CARMIL2: variants seen among roughly 807,000 people sequenced by gnomAD.
CARMIL2 encodes the protein capping protein regulator and myosin 1 linker 2.
In CARMIL2, 96 loss-of-function variants were observed where a neutral mutation model predicts 173.3. The ratio of observed to expected loss-of-function variants is 0.55; its 90% CI spans 0.47 to 0.66. CARMIL2 has a LOEUF of 0.66. CARMIL2 is among the 30% of genes least tolerant of loss of function. The pLI, the probability that CARMIL2 is intolerant of heterozygous loss-of-function variation, is 0.00. For missense variants in CARMIL2, 1,771 were observed against 1,906.7 expected, an observed-to-expected ratio of 0.93 and a Z score of 1.33; for synonymous variants, 830 against 817.1, an observed-to-expected ratio of 1.02 and a Z score of -0.27.
rs200184794 is a variant in CARMIL2, at chr16:67,654,671, G to C, written c.3561G>C (p.Thr1187=). ...TGCTGCCTGCCGAGGAGGAGGCAAC[G>C]CTGGGTGCCAGACCCGACAAGGTGA... ...MILLPAEEEA[T]LGARPDKRRP... Residue 1187 remains threonine (T), a synonymous_variant, in exon 31 of 38, where the codon ACG becomes ACC. Transcript: ENST00000334583. 3.5e-5 allele frequency: 56 copies of C among 1,587,176 alleles called. No homozygotes were observed. The East Asian group carries it at 1.2e-3, about 33-fold the overall frequency.
In CARMIL2 at chr16:67,657,321, G is replaced by C. The variant is rs1416233606; in HGVS notation, c.4195+5G>C. The C allele has an allele frequency of 1.2e-6, 2 of 1,613,580 alleles. No homozygotes were observed. The highest frequency in any genetic ancestry group is 1.7e-5 in the Admixed American group (1 of 59,980). On this transcript the variant is annotated splice_donor_5th_base_variant and intron_variant, in intron 37 of 37. Transcript: ENST00000334583. This position sits in a 1 kb window ranked among gnomAD's most constrained non-coding sequence, Gnocchi z 4.5. ...CACCTCCATCCCCAAGCCTAGGTAAGAGGGGGTCCAGGCCAGCTGGGAGGG... is the reference window on the plus strand; with the variant it reads ...CACCTCCATCCCCAAGCCTAGGTAACAGGGGGTCCAGGCCAGCTGGGAGGG...
At chr16:67,650,397 G>T (rs1204912700) in intron 22 of CARMIL2, 38 of 557,880 alleles carry the variant, frequency 6.8e-5, no homozygotes, top group Non-Finnish European at 9.6e-6. Context: ...GAATTTTTAT[G>T]TCCTTCCTCA....
At position 67,653,048 on chromosome 16, in the gene CARMIL2, G is replaced by A. The variant is rs770380589; in HGVS notation, c.2914G>A (p.Glu972Lys). The change falls in exon 29 of 38, where the codon GAG (glutamate) becomes AAG (lysine). Residue 972 changes from glutamate (E) to lysine (K), a missense_variant. Coordinates refer to ENST00000334583, the MANE Select transcript of CARMIL2 (RefSeq NM_001013838.3). The surrounding 1 kb of genome is among the most constrained non-coding windows in gnomAD (Gnocchi z 7.4). Reference sequence around the variant, plus strand: ...TGCTGAGGAAGCGGAGCCGGAGCCCGAGCTGGCGGCTCCGGGAGAAGATGC... The same window carrying A: ...TGCTGAGGAAGCGGAGCCGGAGCCCAAGCTGGCGGCTCCGGGAGAAGATGC... ...SAAEEAEPEP[E>K]LAAPGEDAEP... The A allele has an allele frequency of 1.4e-5, 18 of 1,271,938 alleles. No individual in the cohort carries two copies. The highest frequency in any genetic ancestry group is 1.2e-4 in the South Asian group (8 of 68,330). 78.8% of individuals were successfully genotyped at this position (1,271,938 alleles called of 1,614,324 possible). A position where few individuals can be genotyped will look rare whatever the true frequency, so the allele number is the denominator to read the frequency against.
In CARMIL2 at chr16:67,648,507, G is replaced by A; in HGVS notation, c.1439+5G>A. On this transcript the variant is annotated splice_donor_5th_base_variant and intron_variant, in intron 15 of 37. Transcript: ENST00000334583. The surrounding 1 kb of genome is among the most constrained non-coding windows in gnomAD (Gnocchi z 6.1). ...GCTGCCGCCCGACGCGCTCAGGTCA[G>A]TGTCGGACCCCGGCCACGCCCCCGC... 2 of 1,465,054 alleles carry A rather than the reference G, an allele frequency of 1.4e-6. No homozygotes were observed. The highest frequency in any genetic ancestry group is 2.5e-5 in the Admixed American group (1 of 39,572). The allele number at this position is 1,465,054 out of a possible 1,614,324, so 90.8% of individuals were successfully genotyped here.
chr16:67,656,173 T>C, intron 33 of CARMIL2, 55 bp from the exon 34 acceptor site: 2 of 1,611,022 alleles, frequency 1.2e-6, no homozygotes, highest in Non-Finnish European at 1.7e-6. Flanking sequence ...AGGCCAGGTT[T>C]TTCTTCCCCT....
chr16:67,657,213 AC>A lies in CARMIL2; in HGVS notation c.4118-22del. 1 of 1,608,532 alleles carries A rather than the reference AC, an allele frequency of 6.2e-7. No individual in the cohort carries two copies. The highest frequency in any genetic ancestry group is 8.5e-7 in the Non-Finnish European group (1 of 1,176,620). ...GACAGACCCCAAGCCTTAGCAACCC[AC>A]CCCAAGCCTTTCTGTGTCCCTTAGA... On this transcript the variant is annotated intron_variant, in intron 36 of 37. Coordinates refer to ENST00000334583, the MANE Select transcript of CARMIL2 (RefSeq NM_001013838.3). This position sits in a 1 kb window ranked among gnomAD's most constrained non-coding sequence, Gnocchi z 4.5.
Position 67,657,503 on chromosome 16 carries a change from C to A in CARMIL2, c.4293C>A (p.Gly1431=), listed in dbSNP as rs537033041. ...CCCCAGCCACAGACCAAAGAGGCGG[C>A]GGCCCCAATCCCTGATCCTCTCCTC... is the stretch of plus-strand genomic sequence containing the variant. ...PPSPATDQRG[G]GPNP is the part of the protein sequence containing the mutation. Residue 1431 remains glycine, a synonymous_variant, in exon 38 of 38, where the codon GGC becomes GGA. Transcript: ENST00000334583. The surrounding 1 kb of genome is among the most constrained non-coding windows in gnomAD (Gnocchi z 4.5). The A allele has an allele frequency of 4.3e-6, 7 of 1,612,832 alleles. No homozygotes were observed. Among genetic ancestry groups the A allele is most frequent in the Non-Finnish European group, 5.1e-6 (6 of 1,179,344 alleles).
chr16:67,651,061 C>A lies in CARMIL2; in HGVS notation c.2185-126C>A. The stretch of plus-strand genomic sequence containing the variant: ...TTCCCTCCTTGAACAGATAGGGTTC[C>A]AAAGTGGCTGGTCTAAGGGTGTCAG... On this transcript the variant is annotated intron_variant, in intron 22 of 37. Coordinates refer to ENST00000334583, the MANE Select transcript of CARMIL2 (RefSeq NM_001013838.3). This position sits in a 1 kb window ranked among gnomAD's most constrained non-coding sequence, Gnocchi z 4.2. 9.1e-7 allele frequency: 1 copy of A among 1,100,852 alleles called. No homozygotes were observed. The highest frequency in any genetic ancestry group is 2.6e-5 in the East Asian group (1 of 38,382). The allele number at this position is 1,100,852 out of a possible 1,614,324, so 68.2% of individuals were successfully genotyped here.
rs1299517988 is a variant in CARMIL2, at chr16:67,649,144, C to T, written c.1660C>T (p.Leu554Phe). 1.2e-6 allele frequency: 2 copies of T among 1,613,506 alleles called. No individual in the cohort carries two copies. The highest frequency in any genetic ancestry group is 1.7e-5 in the Admixed American group (1 of 59,966). Reference sequence around the variant, plus strand: ...AAGCCGGTCCCTGAGACATGTGGCGCTTGGAAGGAACTTCAACGTCCGGTG... The same window carrying T: ...AAGCCGGTCCCTGAGACATGTGGCGTTTGGAAGGAACTTCAACGTCCGGTG... The part of the protein sequence containing the change: ...GRSRSLRHVA[L>F]GRNFNVRCKE... Residue 554 changes from leucine (L) to phenylalanine (F), a missense_variant, in exon 18 of 38, where the codon CTT becomes TTT. Coordinates refer to ENST00000334583, the MANE Select transcript of CARMIL2 (RefSeq NM_001013838.3). This position sits in a 1 kb window ranked among gnomAD's most constrained non-coding sequence, Gnocchi z 6.7.
Position 67,649,671 on chromosome 16 carries a change from G to C in CARMIL2, c.1919+52G>C. ...AGCGGGCAGGGGGCGCGGTGGAGAGGAGGGCACCGGGCTAAGGGGAGGGAC... is the reference window on the plus strand; with the variant it reads ...AGCGGGCAGGGGGCGCGGTGGAGAGCAGGGCACCGGGCTAAGGGGAGGGAC... On this transcript the variant is annotated intron_variant, in intron 20 of 37. Transcript: ENST00000334583. The surrounding 1 kb of genome is among the most constrained non-coding windows in gnomAD (Gnocchi z 6.7). 6.4e-7 allele frequency: 1 copy of C among 1,558,278 alleles called. No homozygotes were observed. The highest frequency in any genetic ancestry group is 1.2e-5 in the South Asian group (1 of 85,012).
chr16:67,652,827 C>T lies in CARMIL2; in HGVS notation c.2885-192C>T, dbSNP rs2052752646. The T allele has an allele frequency of 4.0e-6, 1 of 250,300 alleles. No individual in the cohort carries two copies. Among genetic ancestry groups the T allele is most frequent in the Non-Finnish European group, 7.6e-6 (1 of 132,200 alleles). 15.5% of individuals were successfully genotyped at this position (250,300 alleles called of 1,614,324 possible). ...CTGGGCGGCGGCGCGGAGCCGCGCG[C>T]GCTCGGGGCCGCGCTCAGCACCACG... On this transcript the variant is annotated intron_variant, in intron 28 of 37. Coordinates refer to ENST00000334583, the MANE Select transcript of CARMIL2 (RefSeq NM_001013838.3). This position sits in a 1 kb window ranked among gnomAD's most constrained non-coding sequence, Gnocchi z 4.7.
rs1480004106 is a variant in CARMIL2, at chr16:67,656,294, C to G, written c.3809C>G (p.Ser1270Cys). 1.2e-6 allele frequency: 2 copies of G among 1,613,880 alleles called. No individual in the cohort carries two copies. The highest frequency in any genetic ancestry group is 1.7e-6 in the Non-Finnish European group (2 of 1,179,890). ...ISIKSRTHSVSADPSCRPGPG... is the reference protein window; with the variant it reads ...ISIKSRTHSVCADPSCRPGPG... Reference sequence around the variant, plus strand: ...ATCAAGTCCCGCACCCACTCTGTGTCTGCTGGTGAGTGAGGGCCACTGTGT... The same window carrying G: ...ATCAAGTCCCGCACCCACTCTGTGTGTGCTGGTGAGTGAGGGCCACTGTGT... Residue 1270 changes from serine to cysteine, a missense_variant, in exon 34 of 38, where the codon TCT (serine) becomes TGT (cysteine). Transcript: ENST00000334583.
At position 67,654,040 on chromosome 16, in the gene CARMIL2, C is replaced by CTGG; in HGVS notation, c.3121-109_3121-108insTGG. On this transcript the variant is annotated intron_variant, in intron 29 of 37. Transcript: ENST00000334583. The stretch of plus-strand genomic sequence containing the variant: ...GTATCAGCAGCCCCTAGGGTCACCC[C>CTGG]AGTCTGGAATCCTGGAGTTATTCAG... 9.8e-6 allele frequency: 7 copies of CTGG among 713,290 alleles called. No individual in the cohort carries two copies. The South Asian group carries it at 1.2e-4, about 12-fold the overall frequency. The allele number at this position is 713,290 out of a possible 1,614,324, so 44.2% of individuals were successfully genotyped here.
Position 67,647,177 on chromosome 16 carries a change from G to A in CARMIL2, c.673G>A (p.Val225Met). ...CCTGTGGTTCCGGTGCCTCTCCTGT[G>A]TGGACATGAAGCTGGTGAGGGGGTT... The part of the protein sequence containing the change: ...YNLWFRCLSC[V>M]DMKLSLEVSE... The change falls in exon 9 of 38, where the codon GTG becomes ATG. Residue 225 changes from valine to methionine, a missense_variant. Val to Met is a conservative substitution (Grantham distance 21). Coordinates refer to ENST00000334583, the MANE Select transcript of CARMIL2 (RefSeq NM_001013838.3). The A allele has an allele frequency of 6.2e-7, 1 of 1,613,866 alleles. No homozygotes were observed. Among genetic ancestry groups the A allele is most frequent in the Non-Finnish European group, 8.5e-7 (1 of 1,179,876 alleles).
Position 67,646,991 on chromosome 16 carries a change from A to G in CARMIL2, c.611+18A>G, listed in dbSNP as rs890398238. The stretch of plus-strand genomic sequence containing the variant: ...GGCAGTCGGTGTGTGGCCTGCCAGG[A>G]TGGGAGAGGAGGAAGATCCCGGGGC... On this transcript the variant is annotated intron_variant, in intron 8 of 37. Transcript: ENST00000334583. This position sits in a 1 kb window ranked among gnomAD's most constrained non-coding sequence, Gnocchi z 4.6. 1 of 1,612,096 alleles carries G rather than the reference A, an allele frequency of 6.2e-7. No individual in the cohort carries two copies. Among genetic ancestry groups the G allele is most frequent in the Admixed American group, 1.7e-5 (1 of 59,762 alleles).
rs2052766241 is a variant in CARMIL2 at position 67,653,293 on chromosome 16, G to A, written c.3120+39G>A. On this transcript the variant is annotated intron_variant, in intron 29 of 37. Transcript: ENST00000334583. This position sits in a 1 kb window ranked among gnomAD's most constrained non-coding sequence, Gnocchi z 7.4. ...CCCCACTCCGGAGCGCGTGGAATTG[G>A]GGATCACGGGTGGCCCGGCCGCTCC... 2.0e-6 allele frequency: 2 copies of A among 1,022,930 alleles called. No homozygotes were observed. The highest frequency in any genetic ancestry group is 3.4e-5 in the African/African-American group (2 of 59,012). 63.4% of individuals were successfully genotyped at this position (1,022,930 alleles called of 1,614,324 possible). A position where few individuals can be genotyped will look rare whatever the true frequency, so the allele number is the denominator to read the frequency against.
Position 67,648,492 on chromosome 16 carries a change from G to C in CARMIL2, c.1429G>C (p.Asp477His). The stretch of plus-strand genomic sequence containing the variant: ...CCTGGCGGGCTGCAAGCTGCCGCCC[G>C]ACGCGCTCAGGTCAGTGTCGGACCC... ...LGLAGCKLPP[D>H]ALRALLDGLA... The change falls in exon 15 of 38, where the codon GAC becomes CAC. Residue 477 changes from aspartate to histidine, a missense_variant. By Grantham distance (81) the Asp-to-His change is moderately conservative. Transcript: ENST00000334583. The surrounding 1 kb of genome is among the most constrained non-coding windows in gnomAD (Gnocchi z 6.1). 4 of 1,439,044 alleles carry C rather than the reference G, an allele frequency of 2.8e-6. No individual in the cohort carries two copies. In the East Asian group the frequency reaches 1.0e-4, roughly 37 times the overall value. 89.1% of individuals were successfully genotyped at this position (1,439,044 alleles called of 1,614,324 possible). A position where few individuals can be genotyped will look rare whatever the true frequency, so the allele number is the denominator to read the frequency against.
chr16:67,655,127 T>A (rs992199847), intron 32 of CARMIL2, among the ~76,000 whole-genome samples: 2 of 152,202 alleles, frequency 1.3e-5, no homozygotes, highest in Non-Finnish European at 2.9e-5. Context: ...TCTCTGCAGG[T>A]CTAATAGAAA....
In CARMIL2 at chr16:67,648,069, G is replaced by T. The variant is rs778142589; in HGVS notation, c.1089G>T (p.Leu363=). 7 of 1,612,304 alleles carry T rather than the reference G, an allele frequency of 4.3e-6. No individual in the cohort carries two copies. The highest frequency in any genetic ancestry group is 5.9e-6 in the Non-Finnish European group (7 of 1,179,356). The change falls in exon 14 of 38, where the codon CTG becomes CTT. Residue 363 remains leucine (L), a synonymous_variant. Transcript: ENST00000334583. This position sits in a 1 kb window ranked among gnomAD's most constrained non-coding sequence, Gnocchi z 6.1. The part of the protein sequence containing the change: ...SEDSGGLYSF[L]SRPNVLSFLN... ...CCCTCCAGGGCCTCTATAGCTTCCT[G>T]AGCCGTCCTAACGTACTGTCGTTCC...
Sources: allele counts gnomAD v4.1 joint callset (sites outside exome capture counted in the v4.1 genomes callset), GRCh38; gene constraint gnomAD v4.1.1; non-coding constraint Gnocchi (gnomAD v3.1); transcripts MANE v1.5; gene names NCBI Gene and HGNC (gene_info 2026-07-23, HGNC 2026-07-21).